Variants in OPHN1 observed in about 807,000 individuals in gnomAD.
OPHN1 encodes the protein oligophrenin-1.
Under a neutral mutation model 60.7 loss-of-function variants are expected in OPHN1, and 11 were observed. The observed-to-expected ratio is 0.18, with a 90% CI of 0.11 to 0.30. OPHN1 has a LOEUF of 0.30. OPHN1 is among the 10% of genes least tolerant of loss of function. The pLI is 1.00. For synonymous variants in OPHN1, 226 were observed against 222.6 expected, an observed-to-expected ratio of 1.02 and a Z score of -0.14; for missense variants, 449 against 611.0, an observed-to-expected ratio of 0.73 and a Z score of 2.80.
intron 21 of OPHN1, among the ~76,000 whole-genome samples, chrX:68,054,041 G>T (rs1245218013): frequency 9.3e-6 from 1 of 106,994 alleles, no homozygotes; most frequent in Non-Finnish European, 1.9e-5. Flanking sequence ...TCTTGGGTGT[G>T]TCATATCCAT....
intron 15 of OPHN1, among the ~76,000 whole-genome samples, chrX:68,122,859 G>A (rs2077155932): frequency 9.0e-6 from 1 of 110,931 alleles, no homozygotes; most frequent in Admixed American, 9.6e-5. Context: ...CTATAAAATA[G>A]TCTCAAAAGG....
chrX:68,141,615 T>A (rs1383852428), intron 15 of OPHN1, among the ~76,000 whole-genome samples: 1 of 111,802 alleles, frequency 8.9e-6, no homozygotes, highest in Non-Finnish European at 1.9e-5. Flanking sequence ...AATCAGCTAT[T>A]ACCTGAAGTT....
rs907660257 is a variant in OPHN1, at chrX:68,044,223, C to T, written c.*2949G>A. 1 of 112,067 alleles carries T rather than the reference C, an allele frequency of 8.9e-6. No individual in the cohort carries two copies. Among genetic ancestry groups the T allele is most frequent in the African/African-American group, 3.2e-5 (1 of 30,818 alleles). 9.2% of individuals were successfully genotyped at this position (112,067 alleles called of 1,213,427 possible). A position where few individuals can be genotyped will look rare whatever the true frequency, so the allele number is the denominator to read the frequency against. On this transcript the variant is annotated 3_prime_UTR_variant, in exon 25 of 25. Coordinates refer to ENST00000355520, the MANE Select transcript of OPHN1 (RefSeq NM_002547.3). Reference sequence around the variant, plus strand: ...GGCAGGCAAGAGTCAAGAGTCATGCCAACTCTAGTAATGTGGCCTCTGTTC... The same window carrying T: ...GGCAGGCAAGAGTCAAGAGTCATGCTAACTCTAGTAATGTGGCCTCTGTTC...
intron 5 of OPHN1, among the ~76,000 whole-genome samples, chrX:68,262,874 A>C (rs867164416): frequency 5.5e-5 from 3 of 54,928 alleles, no homozygotes; most frequent in African/African-American, 1.3e-4. Context: ...CAGGACAGGA[A>C]AGGAAAGGAA....
intron 15 of OPHN1, among the ~76,000 whole-genome samples, chrX:68,120,759 CA>C (rs1215639938): frequency 8.9e-6 from 1 of 112,016 alleles, no homozygotes; most frequent in Non-Finnish European, 1.9e-5. Flanking sequence ...TTATTATAAT[CA>C]CATATAAACA....
At chrX:68,336,109 G>A (rs1569284259) in intron 2 of OPHN1, among the ~76,000 whole-genome samples, 1 of 110,871 alleles carries the variant, frequency 9.0e-6, no homozygotes, top group Non-Finnish European at 1.9e-5. Context: ...GTTGACCACA[G>A]AGAGTAATTC....
chrX:68,164,587 C>T (rs2077349464), intron 15 of OPHN1, among the ~76,000 whole-genome samples: 1 of 111,955 alleles, frequency 8.9e-6, no homozygotes, highest in African/African-American at 3.2e-5. Context: ...CCAGACATTG[C>T]TGTTCCATTT....
chrX:68,329,151 C>CA lies in OPHN1; in HGVS notation c.155-30056dup, dbSNP rs773823922. ...CAGGCTGGCCTTGAACTCCTGACCT[C>CA]AAGTGATCCACCCACCTCAGCCTCC... is the stretch of plus-strand genomic sequence containing the variant. On this transcript the variant is annotated intron_variant, in intron 2 of 24. Transcript: ENST00000355520. 2.7e-5 allele frequency among the ~76,000 whole-genome samples: 3 copies of CA among 112,182 alleles called. No individual in the cohort carries two copies. The East Asian group carries it at 8.4e-4, about 31-fold the overall frequency.
intron 2 of OPHN1, among the ~76,000 whole-genome samples, chrX:68,303,049 A>G (rs1167432894): frequency 8.9e-6 from 1 of 112,282 alleles, no homozygotes; most frequent in African/African-American, 3.2e-5. Flanking sequence ...TAAAACACTG[A>G]AGAAGGAAAG....
chrX:68,320,344 G>A (rs1318935836), intron 2 of OPHN1, among the ~76,000 whole-genome samples: 5 of 110,660 alleles, frequency 4.5e-5, no homozygotes, highest in Non-Finnish European at 1.9e-5. Flanking sequence ...GTAAGCCTCC[G>A]TCTCAAAAAA....
intron 5 of OPHN1, among the ~76,000 whole-genome samples, chrX:68,261,484 G>C (rs1202571426): frequency 1.8e-5 from 2 of 111,004 alleles, no homozygotes; most frequent in Non-Finnish European, 3.8e-5. Context: ...AGTCGGTGGG[G>C]GGAGGCGGGG....
intron 3 of OPHN1, among the ~76,000 whole-genome samples, chrX:68,287,670 C>T (rs111292589): frequency 0.011 from 1,218 of 111,573 alleles, 17 homozygotes; most frequent in African/African-American, 0.038. Context: ...ATTATACAGA[C>T]GTTAGTTTTC....
At chrX:68,424,122 G>A (rs2078843321) in intron 2 of OPHN1, among the ~76,000 whole-genome samples, 1 of 110,337 alleles carries the variant, frequency 9.1e-6, no homozygotes, top group Non-Finnish European at 1.9e-5. Context: ...AGTCAAGATC[G>A]TGCCACTGCA....
At chrX:68,052,425 G>A in intron 23 of OPHN1, 115 bp downstream of exon 23, 1 of 687,682 alleles carries the variant, frequency 1.5e-6, no homozygotes, top group Non-Finnish European at 2.3e-6. Context: ...GACAGACAGA[G>A]ACAGAGCTGT....
chrX:68,137,349 C>T (rs1261731955), intron 15 of OPHN1, among the ~76,000 whole-genome samples: 1 of 111,773 alleles, frequency 8.9e-6, no homozygotes, highest in Non-Finnish European at 1.9e-5. Context: ...ATATATAATA[C>T]ACAATAATAA....
At chrX:68,258,282 G>T (rs1023064295) in intron 5 of OPHN1, among the ~76,000 whole-genome samples, 2 of 108,890 alleles carry the variant, frequency 1.8e-5, no homozygotes, top group African/African-American at 3.4e-5. Context: ...AAGTTTTAGG[G>T]TACATGTGTA....
intron 2 of OPHN1, among the ~76,000 whole-genome samples, chrX:68,312,864 G>A (rs981396146): frequency 9.0e-6 from 1 of 111,326 alleles, no homozygotes; most frequent in African/African-American, 3.3e-5. Flanking sequence ...CCAACATTTA[G>A]AGAGGCCAAG....
At chrX:68,317,367 GAAAGA>G (rs1569278095) in intron 2 of OPHN1, among the ~76,000 whole-genome samples, 21 of 69,995 alleles carry the variant, frequency 3.0e-4, no homozygotes, top group African/African-American at 1.4e-3. Context: ...AAGAAAGAAA[GAAAGA>G]AAGAAAGGAA....
At chrX:68,231,922 A>G (rs1228076769) in intron 6 of OPHN1, among the ~76,000 whole-genome samples, 1 of 111,891 alleles carries the variant, frequency 8.9e-6, no homozygotes. Context: ...TGGCTCCTCA[A>G]TTCTAACAAA....
Sources: gnomAD v4.1 joint callset for allele counts (sites outside exome capture counted in the v4.1 genomes callset) on GRCh38, gnomAD v4.1.1 for gene constraint, MANE v1.5 for transcripts, NCBI Gene and HGNC (gene_info 2026-07-23, HGNC 2026-07-21) for gene names.